The following CNTN5 variants were observed in gnomAD, a reference collection of about 807,000 sequenced individuals.
CNTN5 encodes contactin-5.
A neutral mutation model predicts 129.1 loss-of-function variants in CNTN5; 77 were observed. The ratio of observed to expected loss-of-function variants is 0.60; its 90% CI spans 0.50 to 0.72. The LOEUF is 0.72. CNTN5 is among the 30% of genes least tolerant of loss of function. CNTN5 has a pLI of 0.00. For synonymous variants in CNTN5, 509 were observed against 465.6 expected, an observed-to-expected ratio of 1.09 and a Z score of -1.20; for missense variants, 1,478 against 1,328.8, an observed-to-expected ratio of 1.11 and a Z score of -1.75.
chr11:99,465,982 C>G (rs528981919), intron 2 of CNTN5, among the ~76,000 whole-genome samples: 7 of 149,904 alleles, frequency 4.7e-5, no homozygotes, highest in African/African-American at 1.5e-4. Context: ...CCTGGGTTCA[C>G]GCCATTCTCC....
intron 3 of CNTN5, among the ~76,000 whole-genome samples, chr11:99,560,134 T>A (rs988219148): frequency 6.6e-6 from 1 of 152,078 alleles, no homozygotes; most frequent in African/African-American, 2.4e-5. Context: ...GGATGCAAGA[T>A]ATTACACATT....
At chr11:100,001,904 C>A in intron 8 of CNTN5, 130 bp from the exon 9 acceptor site, 1 of 653,536 alleles carries the variant, frequency 1.5e-6, no homozygotes, top group South Asian at 2.0e-5. Context: ...TTCAATACAT[C>A]GAAAAATTTA....
intron 20 of CNTN5, among the ~76,000 whole-genome samples, chr11:100,304,495 C>T (rs1481259744): frequency 6.6e-6 from 1 of 151,490 alleles, no homozygotes; most frequent in Non-Finnish European, 1.5e-5. Context: ...GTCAGTGAAA[C>T]AGGAATCAAA....
chr11:100,251,242 T>C (rs1323424983), intron 16 of CNTN5, among the ~76,000 whole-genome samples: 1 of 152,148 alleles, frequency 6.6e-6, no homozygotes, highest in Non-Finnish European at 1.5e-5. Context: ...GATTTTCTCA[T>C]GTAGATGCTG....
chr11:99,836,898 A>G (rs1020826188), intron 4 of CNTN5, among the ~76,000 whole-genome samples: 6 of 152,186 alleles, frequency 3.9e-5, no homozygotes, highest in Non-Finnish European at 7.4e-5. Context: ...CATATAGGGT[A>G]AATTCCTGAC....
chr11:99,738,604 A>G lies in CNTN5; in HGVS notation c.56-80940A>G, dbSNP rs560338496. On this transcript the variant is annotated intron_variant, in intron 3 of 24. Transcript: ENST00000524871. ...GGCAGGCTATAAAAATGATACATTCATAAGACAGTAACGTGTGTGTGTGTG... is the reference window on the plus strand; with the variant it reads ...GGCAGGCTATAAAAATGATACATTCGTAAGACAGTAACGTGTGTGTGTGTG... Among the ~76,000 whole-genome samples, 62 of 127,804 alleles carry G rather than the reference A, an allele frequency of 4.9e-4. 1 individual carries two copies. Among genetic ancestry groups the G allele is most frequent in the African/African-American group, 1.7e-3 (56 of 33,192 alleles). The allele number at this position is 127,804 out of a possible 152,430, so 83.8% of individuals were successfully genotyped here.
intron 3 of CNTN5, among the ~76,000 whole-genome samples, chr11:99,688,088 G>A (rs987247752): frequency 6.6e-6 from 1 of 152,102 alleles, no homozygotes; most frequent in Non-Finnish European, 1.5e-5. Context: ...TTCCCTTTGC[G>A]ATATATTCAC....
intron 2 of CNTN5, among the ~76,000 whole-genome samples, chr11:99,498,245 T>G (rs2726370): frequency 0.43 from 65,732 of 151,966 alleles, 14,421 homozygotes; most frequent in South Asian, 0.48. Flanking sequence ...GTGTAATAAA[T>G]GTACTGCATT....
At chr11:99,359,609 G>GAATAAATATATTTATTTATATA in intron 2 of CNTN5, among the ~76,000 whole-genome samples, 1 of 147,708 alleles carries the variant, frequency 6.8e-6, no homozygotes, top group East Asian at 2.0e-4. Context: ...TATTATATAT[G>GAATAAATATATTTATTTATATA]AATAAATATA....
chr11:99,449,618 T>A (rs2135185118), intron 2 of CNTN5, among the ~76,000 whole-genome samples: 1 of 152,316 alleles, frequency 6.6e-6, no homozygotes, highest in East Asian at 1.9e-4. Context: ...TGGAGGTTCT[T>A]CTGCTGTTCC....
intron 8 of CNTN5, among the ~76,000 whole-genome samples, chr11:99,982,675 C>G (rs1382459646): frequency 6.6e-6 from 1 of 152,128 alleles, no homozygotes; most frequent in Non-Finnish European, 1.5e-5. Flanking sequence ...GAGTCTGGCT[C>G]TGTCACCCAG....
At chr11:99,219,728 A>T (rs554933924) in intron 1 of CNTN5, among the ~76,000 whole-genome samples, 1 of 151,860 alleles carries the variant, frequency 6.6e-6, no homozygotes. Context: ...TTAGATTTTA[A>T]AGAATTTCAC....
chr11:99,193,224 A>T (rs1450610963), intron 1 of CNTN5, among the ~76,000 whole-genome samples: 1 of 152,182 alleles, frequency 6.6e-6, no homozygotes, highest in Non-Finnish European at 1.5e-5. Flanking sequence ...ATAAAAATGA[A>T]ATTTTGGATA....
chr11:99,471,567 A>G (rs545533903), intron 2 of CNTN5, among the ~76,000 whole-genome samples: 5 of 152,242 alleles, frequency 3.3e-5, no homozygotes, highest in African/African-American at 1.2e-4. Flanking sequence ...CCATCTTGAG[A>G]AAGTTGTGAA....
chr11:99,109,402 A>G (rs1269263307), intron 1 of CNTN5, among the ~76,000 whole-genome samples: 2 of 152,066 alleles, frequency 1.3e-5, no homozygotes, highest in Non-Finnish European at 2.9e-5. Flanking sequence ...TGCTTACAGT[A>G]TATTTGTTAG....
intron 1 of CNTN5, among the ~76,000 whole-genome samples, chr11:99,201,935 A>G (rs1859231577): frequency 6.6e-6 from 1 of 152,160 alleles, no homozygotes; most frequent in Non-Finnish European, 1.5e-5. Flanking sequence ...TAAGCTTCCA[A>G]ATTGGTGGTA....
At chr11:100,078,402 A>G (rs1944231031) in intron 13 of CNTN5, among the ~76,000 whole-genome samples, 1 of 152,150 alleles carries the variant, frequency 6.6e-6, no homozygotes, top group Non-Finnish European at 1.5e-5. Context: ...TATACAAGAA[A>G]ATGGATTACA....
At chr11:100,095,476 G>T (rs1944975748) in intron 13 of CNTN5, among the ~76,000 whole-genome samples, 1 of 152,008 alleles carries the variant, frequency 6.6e-6, no homozygotes, top group Admixed American at 6.6e-5. Context: ...ATGACCACAG[G>T]CAACACAGTA....
At chr11:100,015,674 A>T (rs980709929) in intron 9 of CNTN5, among the ~76,000 whole-genome samples, 2 of 152,132 alleles carry the variant, frequency 1.3e-5, no homozygotes, top group Non-Finnish European at 2.9e-5. Context: ...GATTGTTATT[A>T]TTCTGTACTT....
Sources: gnomAD v4.1 joint callset for allele counts (sites outside exome capture counted in the v4.1 genomes callset) on GRCh38, gnomAD v4.1.1 for gene constraint, MANE v1.5 for transcripts, NCBI Gene and HGNC (gene_info 2026-07-23, HGNC 2026-07-21) for gene names.